The following RABGAP1L variants were observed in gnomAD, a reference collection of about 807,000 sequenced individuals.
RABGAP1L encodes RAB GTPase activating protein 1 like, also known as rab GTPase-activating protein 1-like.
RABGAP1L carries 63 observed loss-of-function variants against 137.7 expected under a neutral mutation model. The ratio of observed to expected loss-of-function variants is 0.46; its 90% CI spans 0.37 to 0.56. The LOEUF is 0.56. Among genes scored for constraint, RABGAP1L ranks in the 20% least tolerant of loss-of-function variants. The pLI is 0.00. For synonymous variants in RABGAP1L, 431 were observed against 433.7 expected (o/e 0.99, Z 0.08); for missense variants, 1,095 against 1,244.0 (o/e 0.88, Z 1.80).
intron 1 of RABGAP1L, among the ~76,000 whole-genome samples, chr1:174,171,923 C>T (rs1665423960): frequency 6.6e-6 from 1 of 152,096 alleles, no homozygotes; most frequent in Non-Finnish European, 1.5e-5. Flanking sequence ...ATCGTTTTAA[C>T]CCGGGAGGCG....
In RABGAP1L at chr1:174,627,328, C is replaced by G. The variant is rs553752075; in HGVS notation, c.1711-10047C>G. On this transcript the variant is annotated intron_variant, in intron 13 of 25. Coordinates refer to ENST00000681986, the MANE Select transcript of RABGAP1L (RefSeq NM_001366446.1). Reference sequence around the variant, plus strand: ...GTCATAAAAAATAATAGGCTGTGGTCATACAAAGCTGTCTTCCTAATGCTT... The same window carrying G: ...GTCATAAAAAATAATAGGCTGTGGTGATACAAAGCTGTCTTCCTAATGCTT... Among the ~76,000 whole-genome samples the G allele has an allele frequency of 6.6e-5, 10 of 152,336 alleles. No individual in the cohort carries two copies. The East Asian group carries it at 1.2e-3, about 18-fold the overall frequency.
At chr1:174,795,646 G>A (rs1359555225) in intron 18 of RABGAP1L, among the ~76,000 whole-genome samples, 3 of 152,174 alleles carry the variant, frequency 2.0e-5, no homozygotes, top group African/African-American at 7.2e-5. Flanking sequence ...GCTCATTGCA[G>A]CCTTGGCTTT....
At chr1:174,450,921 A>G (rs1428233801) in intron 13 of RABGAP1L, among the ~76,000 whole-genome samples, 3 of 152,212 alleles carry the variant, frequency 2.0e-5, no homozygotes, top group South Asian at 2.1e-4. Context: ...TTTGGCTTCA[A>G]AGGTCTTTTA....
At chr1:174,641,365 A>G (rs868148292) in intron 14 of RABGAP1L, among the ~76,000 whole-genome samples, 5 of 152,238 alleles carry the variant, frequency 3.3e-5, no homozygotes, top group Middle Eastern at 3.4e-3. Context: ...GAGGAAATCG[A>G]AATGATTCAA....
chr1:174,318,129 G>A (rs147755278), intron 11 of RABGAP1L, among the ~76,000 whole-genome samples: 1 of 151,776 alleles, frequency 6.6e-6, no homozygotes, highest in African/African-American at 2.4e-5. Flanking sequence ...TTGATTTTTG[G>A]TTCTTACAAA....
At chr1:174,362,882 A>G (rs1016179455) in intron 11 of RABGAP1L, among the ~76,000 whole-genome samples, 1 of 152,082 alleles carries the variant, frequency 6.6e-6, no homozygotes, top group Admixed American at 6.5e-5. Flanking sequence ...CTCGAATGGT[A>G]TTGCTGAGGT....
At chr1:174,489,332 G>GA (rs1232949592) in intron 13 of RABGAP1L, among the ~76,000 whole-genome samples, 2 of 151,944 alleles carry the variant, frequency 1.3e-5, no homozygotes, top group African/African-American at 2.4e-5. Flanking sequence ...AAATTTACAA[G>GA]AAAAAATCAA....
chr1:174,632,359 G>C (rs541250938), intron 13 of RABGAP1L, among the ~76,000 whole-genome samples: 45,133 of 133,110 alleles, frequency 0.34, 10,178 homozygotes, highest in African/African-American at 0.65. Flanking sequence ...GTGAATCTGA[G>C]AATTATGTGT....
At chr1:174,647,407 T>G (rs1675061819) in intron 14 of RABGAP1L, among the ~76,000 whole-genome samples, 1 of 152,174 alleles carries the variant, frequency 6.6e-6, no homozygotes, top group Non-Finnish European at 1.5e-5. Context: ...ATTGAGAGTT[T>G]TTAGCATGAA....
intron 13 of RABGAP1L, among the ~76,000 whole-genome samples, chr1:174,533,106 C>G (rs1407935483): frequency 1.3e-5 from 2 of 152,270 alleles, no homozygotes; most frequent in East Asian, 3.9e-4. Flanking sequence ...TGGTGGGGCA[C>G]TCTTGTAATC....
chr1:174,871,125 A>G (rs549913197), intron 19 of RABGAP1L, among the ~76,000 whole-genome samples: 2 of 151,954 alleles, frequency 1.3e-5, no homozygotes, highest in African/African-American at 4.8e-5. Context: ...TATGCACATT[A>G]TAAGCATTTA....
chr1:174,252,551 C>T lies in RABGAP1L; in HGVS notation c.947C>T (p.Thr316Ile). The change falls in exon 7 of 26, where the codon ACA becomes ATA. Residue 316 changes from threonine (T) to isoleucine (I), a missense_variant. Physicochemically the swap from Thr to Ile is moderately conservative, Grantham distance 89. Around this residue, in one of 4 missense-constraint regions of RABGAP1L, gnomAD observed 112 missense variants for 157.3 expected, o/e 0.71. Coordinates refer to ENST00000681986, the MANE Select transcript of RABGAP1L (RefSeq NM_001366446.1). Reference sequence around the variant, plus strand: ...GGAATAGAGAAGAAGGTTGTGATTACAGTGCAGCAACTTTCTAACAAAGAA... The same window carrying T: ...GGAATAGAGAAGAAGGTTGTGATTATAGTGCAGCAACTTTCTAACAAAGAA... The part of the protein sequence containing the change: ...KQGIEKKVVI[T>I]VQQLSNKELA... 1 of 1,611,966 alleles carries T rather than the reference C, an allele frequency of 6.2e-7. No individual in the cohort carries two copies. The highest frequency in any genetic ancestry group is 8.5e-7 in the Non-Finnish European group (1 of 1,179,336).
intron 3 of RABGAP1L, among the ~76,000 whole-genome samples, chr1:174,226,900 A>G (rs1378435505): frequency 6.6e-6 from 1 of 152,100 alleles, no homozygotes; most frequent in Non-Finnish European, 1.5e-5. Context: ...GTAAACTACT[A>G]TCTGTGAGCC....
chr1:174,635,694 C>T (rs1673956803), intron 13 of RABGAP1L, among the ~76,000 whole-genome samples: 1 of 152,038 alleles, frequency 6.6e-6, no homozygotes, highest in South Asian at 2.1e-4. Context: ...ATCAGAATTT[C>T]CTCTGGATCG....
intron 13 of RABGAP1L, among the ~76,000 whole-genome samples, chr1:174,636,961 T>C (rs538067486): frequency 1.3e-5 from 2 of 152,320 alleles, no homozygotes; most frequent in East Asian, 3.9e-4. Flanking sequence ...AATTATGATA[T>C]ATCTATATCC....
At chr1:174,553,478 C>G (rs1182141273) in intron 13 of RABGAP1L, among the ~76,000 whole-genome samples, 3 of 152,130 alleles carry the variant, frequency 2.0e-5, no homozygotes, top group Admixed American at 1.3e-4. Flanking sequence ...AGATATTTCA[C>G]TAGTGAATTT....
chr1:174,526,143 C>T (rs949760518), intron 13 of RABGAP1L, among the ~76,000 whole-genome samples: 2 of 151,970 alleles, frequency 1.3e-5, no homozygotes, highest in Non-Finnish European at 2.9e-5. Context: ...TTTCTATTGT[C>T]GACTGAGTTT....
At chr1:174,256,485 T>A (rs1000164871) in intron 7 of RABGAP1L, among the ~76,000 whole-genome samples, 2 of 152,006 alleles carry the variant, frequency 1.3e-5, no homozygotes, top group African/African-American at 4.8e-5. Context: ...GGAAACACAT[T>A]AAGACCATGA....
chr1:174,700,387 G>A (rs949959625), intron 16 of RABGAP1L: 4 of 152,204 alleles, frequency 2.6e-5, no homozygotes, highest in East Asian at 1.9e-4. Flanking sequence ...GAAATGTGAA[G>A]GAGATACATG....
Sources: allele counts gnomAD v4.1 joint callset (sites outside exome capture counted in the v4.1 genomes callset), GRCh38; gene constraint gnomAD v4.1.1; regional missense constraint gnomAD v4.1.1; transcripts MANE v1.5; gene names NCBI Gene and HGNC (gene_info 2026-07-23, HGNC 2026-07-21).